Variants in ALCAM observed in about 807,000 individuals in gnomAD.
ALCAM encodes the protein activated leukocyte cell adhesion molecule.
In ALCAM, 30 loss-of-function variants were observed where a neutral mutation model predicts 70.9. That is an observed-to-expected ratio of 0.42 (90% CI 0.32 to 0.57). ALCAM has a LOEUF of 0.57. Ranked by LOEUF, ALCAM falls within the 20% of genes least tolerant of loss-of-function variation. The probability of loss-of-function intolerance (pLI) is 0.11; values close to 1 mark genes in which losing one functional copy is unlikely to be tolerated. For missense variants in ALCAM, 591 were observed against 695.1 expected (o/e 0.85, Z 1.68); for synonymous variants, 249 against 242.5 (o/e 1.03, Z -0.25).
chr3:105,463,928 C>G (rs1490086920), intron 1 of ALCAM, among the ~76,000 whole-genome samples: 1 of 151,326 alleles, frequency 6.6e-6, no homozygotes, highest in African/African-American at 2.4e-5. Flanking sequence ...TTGCATCTTT[C>G]CTAAAGAAGG....
intron 5 of ALCAM, 126 bp from the exon 6 acceptor site, chr3:105,534,537 A>AT (rs1330268753): frequency 1.6e-5 from 14 of 879,832 alleles, no homozygotes; most frequent in Non-Finnish European, 2.3e-5. Flanking sequence ...CTACATGTCA[A>AT]TTTTCTCTCC....
chr3:105,411,248 G>A (rs1247363549), intron 1 of ALCAM, among the ~76,000 whole-genome samples: 2 of 152,052 alleles, frequency 1.3e-5, no homozygotes, highest in African/African-American at 4.8e-5. Flanking sequence ...GGAGAACCCA[G>A]CTCAACTGTG....
At chr3:105,397,062 C>T (rs775201054) in intron 1 of ALCAM, among the ~76,000 whole-genome samples, 9 of 151,852 alleles carry the variant, frequency 5.9e-5, no homozygotes, top group Non-Finnish European at 1.2e-4. Flanking sequence ...TGCCTATTTC[C>T]CATTTTCTAC....
At chr3:105,458,643 G>C (rs1012129298) in intron 1 of ALCAM, among the ~76,000 whole-genome samples, 3 of 152,124 alleles carry the variant, frequency 2.0e-5, no homozygotes, top group Admixed American at 1.3e-4. Context: ...GTAAAAATAT[G>C]ATGTACCTCA....
intron 1 of ALCAM, among the ~76,000 whole-genome samples, chr3:105,385,012 A>G (rs1432129693): frequency 6.6e-6 from 1 of 151,594 alleles, no homozygotes; most frequent in Admixed American, 6.6e-5. Context: ...CAATTTTTTA[A>G]AAAATCTTTT....
intron 1 of ALCAM, among the ~76,000 whole-genome samples, chr3:105,379,440 T>C (rs1433621895): frequency 6.6e-6 from 1 of 151,690 alleles, no homozygotes; most frequent in Non-Finnish European, 1.5e-5. Context: ...CAAAAGAACA[T>C]AATTGAAAAT....
Position 105,538,708 on chromosome 3 carries a change from C to T in ALCAM, c.731-1267C>T, listed in dbSNP as rs184418546. Among the ~76,000 whole-genome samples, 9 of 152,180 alleles carry T rather than the reference C, an allele frequency of 5.9e-5. No homozygotes were observed. In the East Asian group the frequency reaches 7.8e-4, roughly 13 times the overall value. On this transcript the variant is annotated intron_variant, in intron 6 of 15. Coordinates refer to ENST00000306107, the MANE Select transcript of ALCAM (RefSeq NM_001627.4). The stretch of plus-strand genomic sequence containing the variant: ...AAGAAAAGCAAGAGAGGCCCGGAAA[C>T]GGAAGGTCAGCAGGGCACCAAAACC...
chr3:105,399,091 T>A (rs1936023764), intron 1 of ALCAM, among the ~76,000 whole-genome samples: 2 of 152,170 alleles, frequency 1.3e-5, no homozygotes, highest in Non-Finnish European at 2.9e-5. Context: ...AAACACAGAC[T>A]GCAACTGATT....
At chr3:105,456,662 C>CT (rs1937538837) in intron 1 of ALCAM, among the ~76,000 whole-genome samples, 1 of 152,222 alleles carries the variant, frequency 6.6e-6, no homozygotes, top group South Asian at 2.1e-4. Flanking sequence ...AATATTAGTA[C>CT]AGTAGAGTTC....
At chr3:105,447,317 A>G (rs1277393025) in intron 1 of ALCAM, among the ~76,000 whole-genome samples, 1 of 152,228 alleles carries the variant, frequency 6.6e-6, no homozygotes, top group Non-Finnish European at 1.5e-5. Flanking sequence ...AGACGACAAG[A>G]TGAAAAAGAG....
intron 6 of ALCAM, among the ~76,000 whole-genome samples, chr3:105,538,882 A>G (rs757656453): frequency 2.6e-5 from 4 of 152,156 alleles, no homozygotes; most frequent in Non-Finnish European, 4.4e-5. Context: ...GCCCAAGCAT[A>G]GAGAAAAGGC....
At chr3:105,452,396 C>T (rs534050000) in intron 1 of ALCAM, among the ~76,000 whole-genome samples, 1 of 152,314 alleles carries the variant, frequency 6.6e-6, no homozygotes, top group African/African-American at 2.4e-5. Context: ...CTGCAAAGGA[C>T]ATAATCTCAT....
intron 3 of ALCAM, among the ~76,000 whole-genome samples, chr3:105,526,619 A>G (rs1301938131): frequency 6.6e-6 from 1 of 152,224 alleles, no homozygotes; most frequent in Non-Finnish European, 1.5e-5. Flanking sequence ...TATGCTAGAA[A>G]TCGTGAGACC....
intron 8 of ALCAM, chr3:105,544,979 G>A (rs915541049): frequency 3.2e-5 from 13 of 402,780 alleles, no homozygotes; most frequent in East Asian, 1.1e-4. Flanking sequence ...TATCAATCAC[G>A]TTAACTGCAA....
intron 1 of ALCAM, among the ~76,000 whole-genome samples, chr3:105,481,556 G>A (rs1188502986): frequency 6.6e-6 from 1 of 152,112 alleles, no homozygotes; most frequent in African/African-American, 2.4e-5. Context: ...ATTAAAGATG[G>A]TATGTCATTT....
At chr3:105,532,202 A>G (rs887025852) in intron 4 of ALCAM, 136 bp downstream of exon 4, 8 of 735,492 alleles carry the variant, frequency 1.1e-5, no homozygotes, top group East Asian at 5.1e-5. Flanking sequence ...ATCAGAAATT[A>G]TCTACAAGGC....
intron 1 of ALCAM, among the ~76,000 whole-genome samples, chr3:105,368,773 G>A (rs78470897): frequency 0.015 from 2,349 of 152,198 alleles, 27 homozygotes; most frequent in Middle Eastern, 0.048. Flanking sequence ...GTGTGGGCGG[G>A]AGGAGTGCCC....
intron 3 of ALCAM, chr3:105,524,787 CT>C: frequency 8.7e-7 from 1 of 1,154,320 alleles, no homozygotes; most frequent in Non-Finnish European, 1.1e-6. Context: ...CTACTGATAA[CT>C]AGCAGGTGAT....
rs191586037 is a variant in ALCAM at position 105,509,691 on chromosome 3, G to C, written c.74-10376G>C. Among the ~76,000 whole-genome samples the C allele has an allele frequency of 7.2e-5, 11 of 151,810 alleles. No individual in the cohort carries two copies. In the East Asian group the frequency reaches 1.2e-3, roughly 16 times the overall value. ...CATAGGCTGACTTTTTATTTTGCTG[G>C]TTGTTTCCTCTGCTGTGTAGAAGCT... On this transcript the variant is annotated intron_variant, in intron 1 of 15. Coordinates refer to ENST00000306107, the MANE Select transcript of ALCAM (RefSeq NM_001627.4).
Sources: gnomAD v4.1 joint callset for allele counts (sites outside exome capture counted in the v4.1 genomes callset) on GRCh38, gnomAD v4.1.1 for gene constraint, MANE v1.5 for transcripts, NCBI Gene and HGNC (gene_info 2026-07-23, HGNC 2026-07-21) for gene names.